ADAM7: variants seen among roughly 807,000 people sequenced by gnomAD.
The protein encoded by ADAM7 is disintegrin and metalloproteinase domain-containing protein 7.
In ADAM7, 97 loss-of-function variants were observed where a neutral mutation model predicts 102.9. The observed-to-expected ratio is 0.94, with a 90% CI of 0.80 to 1.12. The LOEUF is 1.12. Ranked by LOEUF, ADAM7 falls within the 50% of genes most tolerant of loss-of-function variation. ADAM7 has a pLI of 0.00. For synonymous variants in ADAM7, 334 were observed against 304.4 expected (o/e 1.10, Z -1.01); for missense variants, 991 against 908.7 (o/e 1.09, Z -1.16).
chr8:24,455,021 T>A (rs1182952958), intron 3 of ADAM7, among the ~76,000 whole-genome samples: 2 of 152,172 alleles, frequency 1.3e-5, no homozygotes, highest in Non-Finnish European at 2.9e-5. Context: ...AATATTAATT[T>A]AGAATCTACT....
chr8:24,459,861 GTTTA>G (rs892899285), intron 3 of ADAM7, among the ~76,000 whole-genome samples: 4 of 151,924 alleles, frequency 2.6e-5, no homozygotes, highest in African/African-American at 9.7e-5. Context: ...CTTATTGAGT[GTTTA>G]TTTTTCTCTG....
chr8:24,473,010 A>G (rs191223987), intron 7 of ADAM7, among the ~76,000 whole-genome samples: 2 of 152,276 alleles, frequency 1.3e-5, no homozygotes, highest in East Asian at 3.9e-4. Flanking sequence ...CTGACTCAAC[A>G]ATAGGAAACC....
At chr8:24,501,835 C>G (rs1211345995) in intron 20 of ADAM7, among the ~76,000 whole-genome samples, 1 of 151,904 alleles carries the variant, frequency 6.6e-6, no homozygotes, top group Admixed American at 6.6e-5. Context: ...CTAATTTGTG[C>G]ACTATTGGAA....
chr8:24,441,506 A>G (rs1023651059), intron 1 of ADAM7, among the ~76,000 whole-genome samples: 7 of 152,238 alleles, frequency 4.6e-5, no homozygotes, highest in Non-Finnish European at 7.3e-5. Context: ...CTATTTACAG[A>G]TCAGAGAAAT....
intron 3 of ADAM7, among the ~76,000 whole-genome samples, chr8:24,457,705 G>C (rs1819088112): frequency 1.3e-5 from 2 of 152,022 alleles, no homozygotes; most frequent in African/African-American, 4.8e-5. Flanking sequence ...TAATTTATCA[G>C]TTTCTTTCTT....
At position 24,499,711 on chromosome 8, in the gene ADAM7, A is replaced by C. The variant is rs371548065; in HGVS notation, c.1923+395A>C. On this transcript the variant is annotated intron_variant, in intron 17 of 21. Coordinates refer to ENST00000175238, the MANE Select transcript of ADAM7 (RefSeq NM_003817.4). ...CATTGTATATTTTTTACAAAATAAT[A>C]TATTAACACTAATACCAACAATTAC... is the stretch of plus-strand genomic sequence containing the variant. Among the ~76,000 whole-genome samples the C allele has an allele frequency of 5.5e-4, 84 of 152,198 alleles. No homozygotes were observed. In the East Asian group the frequency reaches 0.014, roughly 26 times the overall value.
In ADAM7 at chr8:24,508,698, A is replaced by T; in HGVS notation, c.*152A>T. 9 of 1,473,218 alleles carry T rather than the reference A, an allele frequency of 6.1e-6. No homozygotes were observed. The highest frequency in any genetic ancestry group is 8.1e-6 in the Non-Finnish European group (9 of 1,107,252). The allele number at this position is 1,473,218 out of a possible 1,614,324, so 91.3% of individuals were successfully genotyped here. ...CAGACAGACAATGTTTAAGAGAAAC[A>T]ACTTATTTCTGTTAATATTTACCGG... is the stretch of plus-strand genomic sequence containing the variant. On this transcript the variant is annotated 3_prime_UTR_variant, in exon 22 of 22. Transcript: ENST00000175238.
chr8:24,499,330 G>T lies in ADAM7; in HGVS notation c.1923+14G>T. 6.3e-7 allele frequency: 1 copy of T among 1,575,842 alleles called. No individual in the cohort carries two copies. Among genetic ancestry groups the T allele is most frequent in the South Asian group, 1.2e-5 (1 of 86,226 alleles). ...AATGAAAATCCTGTAAGATATGACT[G>T]CTTTCAAAATTAATGTCTTATCAGC... On this transcript the variant is annotated intron_variant, in intron 17 of 21. Coordinates refer to ENST00000175238, the MANE Select transcript of ADAM7 (RefSeq NM_003817.4).
At chr8:24,484,612 T>C (rs1219697155) in intron 9 of ADAM7, among the ~76,000 whole-genome samples, 1 of 152,218 alleles carries the variant, frequency 6.6e-6, no homozygotes, top group Non-Finnish European at 1.5e-5. Context: ...TTCATTGTGT[T>C]ACTTTGTTTT....
chr8:24,485,286 G>C lies in ADAM7; in HGVS notation c.885G>C (p.Trp295Cys). 1 of 1,613,042 alleles carries C rather than the reference G, an allele frequency of 6.2e-7. No homozygotes were observed. Among genetic ancestry groups the C allele is most frequent in the South Asian group, 1.1e-5 (1 of 90,926 alleles). Residue 295 changes from tryptophan (W) to cysteine (C), a missense_variant, in exon 10 of 22, where the codon TGG becomes TGC. Transcript: ENST00000175238. ...TGCATCTTTTTCATAGTGGGAAGTGGCTCTACTCACATGTGCAAGGAATTT... is the reference window on the plus strand; with the variant it reads ...TGCATCTTTTTCATAGTGGGAAGTGCCTCTACTCACATGTGCAAGGAATTT... ...FDHVVLLSGK[W>C]LYSHVQGISY...
chr8:24,451,045 G>T (rs1345533932), intron 3 of ADAM7, among the ~76,000 whole-genome samples: 3 of 151,826 alleles, frequency 2.0e-5, no homozygotes, highest in Non-Finnish European at 4.4e-5. Context: ...TGCTGGATTC[G>T]GTTTGCCAGC....
chr8:24,456,389 G>T (rs1242387244), intron 3 of ADAM7, among the ~76,000 whole-genome samples: 1 of 152,070 alleles, frequency 6.6e-6, no homozygotes, highest in Admixed American at 6.5e-5. Context: ...TGGACGCCTA[G>T]GTTGATTCCA....
In ADAM7 at chr8:24,492,540, G is replaced by A. The variant is rs867202281; in HGVS notation, c.1598G>A (p.Gly533Glu). The change falls in exon 15 of 22, where the codon GGA becomes GAA. Residue 533 changes from glycine (G) to glutamate (E), a missense_variant. Coordinates refer to ENST00000175238, the MANE Select transcript of ADAM7 (RefSeq NM_003817.4). ...HDICYKMNTK[G>E]NKFGYCKNKE... ...ATCTGCTACAAGATGAATACAAAAG[G>A]AAATAAATTTGGATACTGCAAAAAC... 1 of 1,612,714 alleles carries A rather than the reference G, an allele frequency of 6.2e-7. No homozygotes were observed. Among genetic ancestry groups the A allele is most frequent in the Non-Finnish European group, 8.5e-7 (1 of 1,179,326 alleles).
chr8:24,466,124 GCC>G (rs1293902244), intron 5 of ADAM7, among the ~76,000 whole-genome samples: 97 of 152,310 alleles, frequency 6.4e-4, no homozygotes, highest in African/African-American at 2.0e-3. Flanking sequence ...GTAAAATTGA[GCC>G]TGAAACCCAG....
chr8:24,492,534 CA>C lies in ADAM7; in HGVS notation c.1596del (p.Gly533GlufsTer90), dbSNP rs1230238223. Reference sequence around the variant, plus strand: ...CATGATATCTGCTACAAGATGAATACAAAAGGAAATAAATTTGGATACTGCA... The same window carrying C: ...CATGATATCTGCTACAAGATGAATACAAAGGAAATAAATTTGGATACTGCA... ...ESHDICYKMN[T>X]KGNKFGYCKN... On this transcript the variant is annotated frameshift_variant, in exon 15 of 22. Coordinates refer to ENST00000175238, the MANE Select transcript of ADAM7 (RefSeq NM_003817.4). LOFTEE classifies it high-confidence loss of function. The C allele has an allele frequency of 1.2e-6, 2 of 1,612,346 alleles. No homozygotes were observed. Among genetic ancestry groups the C allele is most frequent in the Non-Finnish European group, 1.7e-6 (2 of 1,179,044 alleles).
intron 3 of ADAM7, among the ~76,000 whole-genome samples, chr8:24,448,277 A>G (rs1818641676): frequency 6.6e-6 from 1 of 152,194 alleles, no homozygotes; most frequent in Non-Finnish European, 1.5e-5. Flanking sequence ...GATGATGCAG[A>G]TGGTCTGACT....
rs768627416 is a variant in ADAM7, at chr8:24,487,290, G to A, written c.1064G>A (p.Gly355Glu). ...GAGTTCCCATGCACCTGTCCTTCAG[G>A]AAAATGCGTGATGGACAGTGATGGA... ...HDEFPCTCPS[G>E]KCVMDSDGSI... Residue 355 changes from glycine to glutamate, a missense_variant, in exon 11 of 22, where the codon GGA becomes GAA. Gly to Glu is a moderately conservative substitution (Grantham distance 98). Transcript: ENST00000175238. The A allele has an allele frequency of 1.2e-6, 2 of 1,613,548 alleles. No individual in the cohort carries two copies. The highest frequency in any genetic ancestry group is 1.3e-5 in the African/African-American group (1 of 74,864).
intron 8 of ADAM7, 151 bp from the exon 9 acceptor site, chr8:24,481,991 T>C (rs565468431): frequency 8.7e-5 from 46 of 528,166 alleles, no homozygotes; most frequent in Non-Finnish European, 1.4e-4. Context: ...CATTTTGATA[T>C]ATCTGTTTGC....
chr8:24,505,297 C>T (rs1492418), intron 20 of ADAM7, among the ~76,000 whole-genome samples: 109,790 of 151,980 alleles, frequency 0.72, 40,453 homozygotes, highest in African/African-American at 0.81. Flanking sequence ...GATTATAGAT[C>T]CTAAGCTTCC....
Sources: gnomAD v4.1 joint callset for allele counts (sites outside exome capture counted in the v4.1 genomes callset) on GRCh38, gnomAD v4.1.1 for gene constraint, MANE v1.5 for transcripts, NCBI Gene and HGNC (gene_info 2026-07-23, HGNC 2026-07-21) for gene names.